COL16A1: variants seen among roughly 807,000 people sequenced by gnomAD.
The protein encoded by COL16A1 is collagen type XVI alpha 1 chain, also known as collagen alpha-1(XVI) chain.
Under a neutral mutation model 266.3 loss-of-function variants are expected in COL16A1, and 189 were observed. The observed-to-expected ratio is 0.71, with a 90% CI of 0.63 to 0.80. The LOEUF is 0.80. Ranked by LOEUF, COL16A1 falls within the 30% of genes least tolerant of loss-of-function variation. The probability of loss-of-function intolerance (pLI) is 0.00; values close to 1 mark genes in which losing one functional copy is unlikely to be tolerated. For synonymous variants in COL16A1, 740 were observed against 782.3 expected (o/e 0.95, Z 0.90); for missense variants, 1,928 against 2,122.4 (o/e 0.91, Z 1.80).
Position 31,679,805 on chromosome 1 carries a change from T to C in COL16A1, c.2717A>G (p.Gln906Arg). 2 of 1,560,758 alleles carry C rather than the reference T, an allele frequency of 1.3e-6. No individual in the cohort carries two copies. The highest frequency in any genetic ancestry group is 2.4e-5 in the South Asian group (2 of 81,848). The change falls in exon 41 of 71, where the codon CAG (glutamine) becomes CGG (arginine). Residue 906 changes from glutamine to arginine, a missense_variant and splice_region_variant. Coordinates refer to ENST00000373672, the MANE Select transcript of COL16A1 (RefSeq NM_001856.4). ...GACAAGAGGAGACAAGCGACACACC[T>C]GCGGGCCCGGCTGCCAGGAGCTGCC... ...WMGSSWQPGPQGPPGIPGPPG... is the reference protein window; with the variant it reads ...WMGSSWQPGPRGPPGIPGPPG...
intron 52 of COL16A1, chr1:31,666,433 G>C: frequency 3.3e-6 from 1 of 304,826 alleles, no homozygotes; most frequent in Non-Finnish European, 6.1e-6. Flanking sequence ...TGGTCTTTGA[G>C]GCAGCCTGTG....
At chr1:31,665,683 G>A (rs761109597) in intron 54 of COL16A1, 65 bp from the exon 55 acceptor site, 3 of 1,599,066 alleles carry the variant, frequency 1.9e-6, no homozygotes, top group Non-Finnish European at 2.6e-6. Flanking sequence ...CTGCCCAGGT[G>A]GAAAGAGTGA....
At chr1:31,689,488 C>G (rs1644154812) in intron 23 of COL16A1, 1 of 570,962 alleles carries the variant, frequency 1.8e-6, no homozygotes, top group Non-Finnish European at 3.1e-6. Context: ...GCCCAGCTTG[C>G]CCAAAAGGCA....
In COL16A1 at chr1:31,656,945, GT is replaced by G; in HGVS notation, c.4056+87del. ...GAGACAGCCCGTACATAGAAGGAATGTTTACTGAAAAAAATGAAGAGGGGTC... is the reference window on the plus strand; with the variant it reads ...GAGACAGCCCGTACATAGAAGGAATGTTACTGAAAAAAATGAAGAGGGGTC... On this transcript the variant is annotated intron_variant, in intron 65 of 70. Transcript: ENST00000373672. This position sits in a 1 kb window ranked among gnomAD's most constrained non-coding sequence, Gnocchi z 4.2. 1 of 1,570,920 alleles carries G rather than the reference GT, an allele frequency of 6.4e-7. No homozygotes were observed. Among genetic ancestry groups the G allele is most frequent in the East Asian group, 2.2e-5 (1 of 44,520 alleles).
Position 31,657,774 on chromosome 1 carries a change from C to T in COL16A1, c.4021-706G>A, listed in dbSNP as rs372943345. ...GGAGACTTTTCATCCCTGACCCTGG[C>T]AATCAGTTGCACCTGTTAGGGTTCA... On this transcript the variant is annotated intron_variant, in intron 64 of 70. Coordinates refer to ENST00000373672, the MANE Select transcript of COL16A1 (RefSeq NM_001856.4). The surrounding 1 kb of genome is among the most constrained non-coding windows in gnomAD (Gnocchi z 6.4). Among the ~76,000 whole-genome samples, 9 of 152,332 alleles carry T rather than the reference C, an allele frequency of 5.9e-5. 1 individual carries two copies. Among genetic ancestry groups the T allele is most frequent in the African/African-American group, 2.2e-4 (9 of 41,570 alleles).
chr1:31,684,287 A>G (rs1019412772), intron 31 of COL16A1, 56 bp from the exon 32 acceptor site: 25 of 1,450,734 alleles, frequency 1.7e-5, no homozygotes, highest in Admixed American at 5.6e-5. Flanking sequence ...CACCCAGGCC[A>G]GGACGCCCTG....
intron 39 of COL16A1, among the ~76,000 whole-genome samples, chr1:31,680,332 T>C (rs1643537328): frequency 6.6e-6 from 1 of 152,144 alleles, no homozygotes. Flanking sequence ...GAGGACAAAA[T>C]GGATTCGTGT....
intron 55 of COL16A1, 45 bp from the exon 56 acceptor site, chr1:31,665,279 G>A (rs753863205): frequency 2.1e-5 from 33 of 1,575,782 alleles, no homozygotes; most frequent in Non-Finnish European, 2.6e-5. Flanking sequence ...GGGGCTGGAG[G>A]GGGAGCTCCC....
In COL16A1 at chr1:31,692,031, C is replaced by T. The variant is rs778776934; in HGVS notation, c.1231G>A (p.Gly411Ser). 6.2e-7 allele frequency: 1 copy of T among 1,613,892 alleles called. No homozygotes were observed. Among genetic ancestry groups the T allele is most frequent in the Non-Finnish European group, 8.5e-7 (1 of 1,180,010 alleles). ...KGEKGDGGIK[G>S]VPGKPGRDGR... The stretch of plus-strand genomic sequence containing the variant: ...TCCCGGCCTGGCTTTCCCGGCACGC[C>T]CTTGATGCCTCCGTCGCCCTTCTCG... The change falls in exon 17 of 71, where the codon GGC (glycine) becomes AGC (serine). Residue 411 changes from glycine (G) to serine (S), a missense_variant. Around this residue, in one of 2 missense-constraint regions of COL16A1, gnomAD observed 1,552 missense variants for 1,637.2 expected, o/e 0.95. Transcript: ENST00000373672.
In COL16A1 at chr1:31,661,431, C is replaced by T. The variant is rs773427850; in HGVS notation, c.3754G>A (p.Gly1252Ser). 1 of 1,614,092 alleles carries T rather than the reference C, an allele frequency of 6.2e-7. No homozygotes were observed. The highest frequency in any genetic ancestry group is 1.1e-5 in the South Asian group (1 of 91,086). Reference sequence around the variant, plus strand: ...GCCCTTACCTTAGGTCCTGGGAGGCCAGGATGTCCTGTTTTCCCCTTAAAG... The same window carrying T: ...GCCCTTACCTTAGGTCCTGGGAGGCTAGGATGTCCTGTTTTCCCCTTAAAG... ...PGFKGKTGHPGLPGPKGDCGK... is the reference protein window; with the variant it reads ...PGFKGKTGHPSLPGPKGDCGK... Residue 1252 changes from glycine (G) to serine (S), a missense_variant, in exon 60 of 71, where the codon GGC becomes AGC. Gly to Ser is a moderately conservative substitution (Grantham distance 56, BLOSUM62 0). Around this residue, in one of 2 missense-constraint regions of COL16A1, gnomAD observed 376 missense variants for 485.2 expected, o/e 0.77. Coordinates refer to ENST00000373672, the MANE Select transcript of COL16A1 (RefSeq NM_001856.4).
intron 56 of COL16A1, chr1:31,662,905 T>C: frequency 1.7e-6 from 1 of 579,198 alleles, no homozygotes; most frequent in South Asian, 2.0e-5. Flanking sequence ...ACAGGGCATC[T>C]TCTCCAGTGC....
rs149099837 is a variant in COL16A1, at chr1:31,655,696, C to T, written c.4102-194G>A. 1,046 of 925,872 alleles carry T rather than the reference C, an allele frequency of 1.1e-3. 1 individual carries two copies. The highest frequency in any genetic ancestry group is 1.4e-3 in the Non-Finnish European group (916 of 637,026). The allele number at this position is 925,872 out of a possible 1,614,324, so 57.4% of individuals were successfully genotyped here. ...ACAGTTCTCCTGGTGTTACTCCCTG[C>T]TTAGAAATTCTGATGGCTCCCAAAT... On this transcript the variant is annotated intron_variant, in intron 66 of 70. Transcript: ENST00000373672.
chr1:31,691,592 A>T lies in COL16A1; in HGVS notation c.1302+6T>A, dbSNP rs758857966. 2 of 1,612,806 alleles carry T rather than the reference A, an allele frequency of 1.2e-6. No individual in the cohort carries two copies. The highest frequency in any genetic ancestry group is 1.7e-4 in the Middle Eastern group (1 of 6,060). ...CATCTCCACCCCACAAACATCCACA[A>T]CTCACCTTCTGCCCTTTGGGCCCAA... On this transcript the variant is annotated splice_donor_region_variant and intron_variant, in intron 18 of 70. Coordinates refer to ENST00000373672, the MANE Select transcript of COL16A1 (RefSeq NM_001856.4).
At chr1:31,655,552 C>G in intron 66 of COL16A1, 50 bp from the exon 67 acceptor site, 1 of 1,602,626 alleles carries the variant, frequency 6.2e-7, no homozygotes, top group Non-Finnish European at 8.5e-7. Context: ...TGATGTCTCA[C>G]CAATCTGCTC....
intron 11 of COL16A1, 27 bp downstream of exon 11, chr1:31,695,159 C>T: frequency 6.2e-7 from 1 of 1,613,168 alleles, no homozygotes; most frequent in Non-Finnish European, 8.5e-7. Context: ...TTGCCCGCTC[C>T]ACCCTGCACA....
rs893709840 is a variant in COL16A1 at position 31,670,476 on chromosome 1, C to T, written c.3195+126G>A. On this transcript the variant is annotated intron_variant, in intron 49 of 70. Transcript: ENST00000373672. The surrounding 1 kb of genome is among the most constrained non-coding windows in gnomAD (Gnocchi z 4.5). ...TCAGAGAACCCGTGTCGTTAGCTAC[C>T]GTGCCTGAAGGGGGACAACAAACAC... 1.8e-5 allele frequency: 22 copies of T among 1,215,890 alleles called. No homozygotes were observed. In the South Asian group the frequency reaches 2.0e-4, roughly 11 times the overall value. 75.3% of individuals were successfully genotyped at this position (1,215,890 alleles called of 1,614,324 possible). A position where few individuals can be genotyped will look rare whatever the true frequency, so the allele number is the denominator to read the frequency against.
rs1364394136 is a variant in COL16A1 at position 31,657,104 on chromosome 1, C to A, written c.4021-36G>T. ...GAGAGCAATGGAGACATGAGGAGCT[C>A]CAACCCAGTTTGGTGTCAGATGCCT... On this transcript the variant is annotated intron_variant, in intron 64 of 70. Transcript: ENST00000373672. This position sits in a 1 kb window ranked among gnomAD's most constrained non-coding sequence, Gnocchi z 6.4. 7 of 1,614,108 alleles carry A rather than the reference C, an allele frequency of 4.3e-6. No individual in the cohort carries two copies. In the East Asian group the frequency reaches 1.6e-4, roughly 36 times the overall value.
At chr1:31,679,248 C>G (rs1643422063) in intron 42 of COL16A1, 1 of 672,934 alleles carries the variant, frequency 1.5e-6, no homozygotes, top group Non-Finnish European at 2.4e-6. Flanking sequence ...TTAGCCACTA[C>G]TGTATTCACA....
intron 62 of COL16A1, chr1:31,659,572 AC>A (rs1641462757): frequency 6.5e-6 from 1 of 154,480 alleles, no homozygotes; most frequent in Non-Finnish European, 1.4e-5. Flanking sequence ...GCAAAAGATC[AC>A]CTCCCTGATC....
Sources: gnomAD v4.1 joint callset for allele counts (sites outside exome capture counted in the v4.1 genomes callset) on GRCh38, gnomAD v4.1.1 for gene constraint, gnomAD v4.1.1 regional missense constraint, Gnocchi (gnomAD v3.1) non-coding constraint, MANE v1.5 for transcripts, NCBI Gene and HGNC (gene_info 2026-07-23, HGNC 2026-07-21) for gene names.